Variants in PHF14 observed in about 807,000 individuals in gnomAD.
PHF14 encodes the protein PHD finger protein 14.
PHF14 carries 55 observed loss-of-function variants against 117.9 expected under a neutral mutation model. That is an observed-to-expected ratio of 0.47 (90% CI 0.38 to 0.58). PHF14 has a LOEUF of 0.58. Among genes scored for constraint, PHF14 ranks in the 20% least tolerant of loss-of-function variants. The pLI is 0.00. For synonymous variants in PHF14, 409 were observed against 368.6 expected (o/e 1.11, Z -1.26); for missense variants, 978 against 1,122.2 (o/e 0.87, Z 1.84).
At chr7:11,053,330 AAC>A (rs1331043321) in intron 14 of PHF14, among the ~76,000 whole-genome samples, 22 of 152,184 alleles carry the variant, frequency 1.4e-4, no homozygotes, top group African/African-American at 4.3e-4. Context: ...AGATAATTGA[AAC>A]AGTTTATTTT....
chr7:11,140,146 C>T lies in PHF14; in HGVS notation c.2772+28679C>T, dbSNP rs182431153. Among the ~76,000 whole-genome samples the T allele has an allele frequency of 4.1e-4, 63 of 152,200 alleles. 1 individual carries two copies. The East Asian group carries it at 7.9e-3, about 19-fold the overall frequency. On this transcript the variant is annotated intron_variant, in intron 17 of 17. Coordinates refer to ENST00000634607, the MANE Select transcript of PHF14 (RefSeq NM_001007157.2). ...TCTATATATAAACCTTCTCATACCCCTGCACACACCTGTACATACATCTCT... is the reference window on the plus strand; with the variant it reads ...TCTATATATAAACCTTCTCATACCCTTGCACACACCTGTACATACATCTCT...
At chr7:11,102,605 A>G in intron 16 of PHF14, 2 of 1,572,666 alleles carry the variant, frequency 1.3e-6, no homozygotes, top group East Asian at 4.6e-5. Flanking sequence ...CATAAAGTAA[A>G]GGAGAACAGC....
rs1781791607 is a variant in PHF14, at chr7:10,974,411, G to A, written c.1+87G>A. On this transcript the variant is annotated intron_variant, in intron 1 of 17. Coordinates refer to ENST00000634607, the MANE Select transcript of PHF14 (RefSeq NM_001007157.2). The stretch of plus-strand genomic sequence containing the variant: ...CGGTGGGAGCAGGGCAGGGGTGGGA[G>A]AGTCCTGCGGGAAAGCAGGATTGGT... 2.7e-6 allele frequency: 3 copies of A among 1,122,550 alleles called. No homozygotes were observed. The African/African-American group carries it at 4.6e-5, about 17-fold the overall frequency. 69.5% of individuals were successfully genotyped at this position (1,122,550 alleles called of 1,614,324 possible). A position where few individuals can be genotyped will look rare whatever the true frequency, so the allele number is the denominator to read the frequency against.
intron 5 of PHF14, among the ~76,000 whole-genome samples, chr7:11,016,098 AT>A (rs1056897046): frequency 2.0e-5 from 3 of 151,414 alleles, no homozygotes; most frequent in Non-Finnish European, 3.0e-5. Flanking sequence ...TTACTGAGGG[AT>A]TTTTTTTTGG....
At chr7:10,977,061 T>C (rs1043749915) in intron 2 of PHF14, among the ~76,000 whole-genome samples, 6 of 151,966 alleles carry the variant, frequency 3.9e-5, no homozygotes, top group Non-Finnish European at 7.4e-5. Flanking sequence ...AGCTGAGATA[T>C]TCGCTTACTC....
chr7:10,986,470 A>G (rs139561388), intron 3 of PHF14, among the ~76,000 whole-genome samples: 85 of 152,330 alleles, frequency 5.6e-4, no homozygotes, highest in African/African-American at 1.8e-3. Flanking sequence ...ATAATGTCTT[A>G]GTATCATTAT....
chr7:11,013,663 C>CT (rs1186779153), intron 4 of PHF14, 84 bp from the exon 5 acceptor site: 5 of 673,136 alleles, frequency 7.4e-6, no homozygotes, highest in Non-Finnish European at 9.6e-6. Context: ...TTCCTCATCT[C>CT]TTTGCTATTC....
intron 12 of PHF14, among the ~76,000 whole-genome samples, chr7:11,041,249 C>T (rs926188000): frequency 6.6e-6 from 1 of 151,874 alleles, no homozygotes; most frequent in Non-Finnish European, 1.5e-5. Context: ...GTTGCAATCA[C>T]TTTGTTCGCA....
intron 3 of PHF14, among the ~76,000 whole-genome samples, chr7:10,988,134 G>T (rs1463874055): frequency 7.9e-5 from 12 of 151,900 alleles, no homozygotes; most frequent in Non-Finnish European, 1.2e-4. Flanking sequence ...TTTAGTTAGG[G>T]AAATATTTTA....
chr7:11,017,359 C>G (rs941302229), intron 5 of PHF14, among the ~76,000 whole-genome samples: 3 of 152,160 alleles, frequency 2.0e-5, no homozygotes, highest in Non-Finnish European at 4.4e-5. Context: ...TTTCATGCAA[C>G]AGTGTACAAG....
chr7:11,119,640 A>T (rs984286475), intron 17 of PHF14, among the ~76,000 whole-genome samples: 3 of 151,930 alleles, frequency 2.0e-5, no homozygotes, highest in Non-Finnish European at 4.4e-5. Flanking sequence ...AGATATAGTG[A>T]GAGTAATTTG....
intron 16 of PHF14, among the ~76,000 whole-genome samples, chr7:11,088,555 CCTG>C (rs1393270877): frequency 2.0e-5 from 3 of 151,860 alleles, no homozygotes; most frequent in Non-Finnish European, 4.4e-5. Flanking sequence ...CATTTGTAAT[CCTG>C]CTTTTTCATT....
At chr7:11,042,547 G>T in intron 12 of PHF14, 136 bp from the exon 13 acceptor site, 1 of 565,544 alleles carries the variant, frequency 1.8e-6, no homozygotes, top group South Asian at 2.5e-5. Context: ...GTTAATGAAA[G>T]AAATTGTCTA....
At chr7:11,099,984 G>C (rs1787027606) in intron 16 of PHF14, among the ~76,000 whole-genome samples, 1 of 151,964 alleles carries the variant, frequency 6.6e-6, no homozygotes, top group East Asian at 1.9e-4. Context: ...TTCTCTAAAT[G>C]AGCTGATGAT....
intron 14 of PHF14, among the ~76,000 whole-genome samples, chr7:11,054,061 T>G (rs1784936438): frequency 6.6e-6 from 1 of 152,114 alleles, no homozygotes; most frequent in Admixed American, 6.5e-5. Flanking sequence ...ACAGGATTAC[T>G]TTTATCTATT....
chr7:10,982,964 C>G lies in PHF14; in HGVS notation c.705C>G (p.Asp235Glu). 1 of 1,593,496 alleles carries G rather than the reference C, an allele frequency of 6.3e-7. No homozygotes were observed. The highest frequency in any genetic ancestry group is 8.5e-7 in the Non-Finnish European group (1 of 1,169,684). ...SASQKEGSDG[D>E]NEDDEDEGSG... ...CTCAGAAAGAGGGAAGTGATGGAGA[C>G]AATGAGGATGATGAAGATGAGGGAA... is the stretch of plus-strand genomic sequence containing the variant. Residue 235 changes from aspartate to glutamate, a missense_variant, in exon 3 of 18, where the codon GAC becomes GAG. This residue lies in a region of PHF14 where 414 missense variants were observed against 376.4 expected (regional missense o/e 1.10). Transcript: ENST00000634607.
At chr7:11,120,327 A>T (rs1461183943) in intron 17 of PHF14, among the ~76,000 whole-genome samples, 1 of 152,032 alleles carries the variant, frequency 6.6e-6, no homozygotes, top group African/African-American at 2.4e-5. Context: ...GGTGCTCAGT[A>T]AGTGACAAGC....
intron 5 of PHF14, among the ~76,000 whole-genome samples, chr7:11,015,543 G>A (rs1382748479): frequency 6.6e-6 from 1 of 152,112 alleles, no homozygotes; most frequent in Non-Finnish European, 1.5e-5. Context: ...GCACCTTCAA[G>A]TTGGACTGTC....
chr7:11,025,241 A>G (rs1225599848), intron 6 of PHF14, among the ~76,000 whole-genome samples: 1 of 152,212 alleles, frequency 6.6e-6, no homozygotes, highest in Non-Finnish European at 1.5e-5. Flanking sequence ...CTTCTCATGG[A>G]TGAGTGAAGA....
Sources: allele counts gnomAD v4.1 joint callset (sites outside exome capture counted in the v4.1 genomes callset), GRCh38; gene constraint gnomAD v4.1.1; regional missense constraint gnomAD v4.1.1; transcripts MANE v1.5; gene names NCBI Gene and HGNC (gene_info 2026-07-23, HGNC 2026-07-21).